Variants in IL17RC observed in about 807,000 individuals in gnomAD.
IL17RC encodes the protein interleukin 17 receptor C.
IL17RC carries 53 observed loss-of-function variants against 86.7 expected under a neutral mutation model. The ratio of observed to expected loss-of-function variants is 0.61; its 90% CI spans 0.49 to 0.77. The LOEUF is 0.77. Ranked by LOEUF, IL17RC falls within the 30% of genes least tolerant of loss-of-function variation. The pLI is 0.00. For synonymous variants in IL17RC, 439 were observed against 413.1 expected (o/e 1.06, Z -0.76); for missense variants, 957 against 940.0 (o/e 1.02, Z -0.24).
At position 9,933,485 on chromosome 3, in the gene IL17RC, C is replaced by A; in HGVS notation, c.2055C>A (p.Ser685=). The part of the protein sequence containing the change: ...GRLQERAEQV[S]RALQPALDSY... ...TCCAAGAGAGAGCGGAGCAAGTGTC[C>A]CGGGCCCTTCAGCCAGCCCTGGATA... The change falls in exon 19 of 19, where the codon TCC becomes TCA. Residue 685 remains serine, a synonymous_variant. Transcript: ENST00000403601. 1 of 1,612,154 alleles carries A rather than the reference C, an allele frequency of 6.2e-7. No homozygotes were observed. The highest frequency in any genetic ancestry group is 1.3e-5 in the African/African-American group (1 of 75,056).
chr3:9,917,846 G>A (rs764125814), intron 2 of IL17RC, 77 bp from the exon 3 acceptor site: 3 of 1,609,818 alleles, frequency 1.9e-6, no homozygotes, highest in Non-Finnish European at 2.5e-6. Context: ...AAGTTCTTTG[G>A]CTCTCTGGGT....
intron 16 of IL17RC, among the ~76,000 whole-genome samples, chr3:9,931,204 C>T (rs1249271082): frequency 6.6e-6 from 1 of 152,024 alleles, no homozygotes; most frequent in Non-Finnish European, 1.5e-5. Flanking sequence ...GTGGGAGCTA[C>T]TGAAGCACCA....
rs868727929 is a variant in IL17RC at position 9,918,124 on chromosome 3, G to C, written c.280+49G>C. On this transcript the variant is annotated intron_variant, in intron 3 of 18. Coordinates refer to ENST00000403601, the MANE Select transcript of IL17RC (RefSeq NM_153460.4). ...TGCATGTGTACACGTGAGTGTGTCT[G>C]GGGTGGGCATGAGGGCCAGGGGATC... 12 of 1,537,176 alleles carry C rather than the reference G, an allele frequency of 7.8e-6. No homozygotes were observed. In the African/African-American group the frequency reaches 9.6e-5, roughly 12 times the overall value.
intron 7 of IL17RC, among the ~76,000 whole-genome samples, chr3:9,921,179 G>T (rs906885200): frequency 6.6e-6 from 1 of 152,180 alleles, no homozygotes; most frequent in Admixed American, 6.6e-5. Flanking sequence ...CTTGGGTCAG[G>T]CTCAGTGGCT....
At position 9,924,147 on chromosome 3, in the gene IL17RC, C is replaced by A. The variant is rs576102522; in HGVS notation, c.763-85C>A. On this transcript the variant is annotated intron_variant, in intron 8 of 18. Coordinates refer to ENST00000403601, the MANE Select transcript of IL17RC (RefSeq NM_153460.4). ...AAGCAAGGGAAAATTGGTGGGGGAA[C>A]TTCTGCCTTCCTGGTTTCCTTGACT... 158 of 1,607,984 alleles carry A rather than the reference C, an allele frequency of 9.8e-5. No individual in the cohort carries two copies. In the African/African-American group the frequency reaches 1.8e-3, roughly 18 times the overall value.
chr3:9,918,451 C>T (rs2125127599), intron 4 of IL17RC, 42 bp downstream of exon 4: 2 of 1,608,230 alleles, frequency 1.2e-6, no homozygotes, highest in Middle Eastern at 1.7e-4. Flanking sequence ...ATGCCAAGGC[C>T]TGGCCTGCCG....
chr3:9,923,658 G>A (rs1400591127), intron 7 of IL17RC, among the ~76,000 whole-genome samples: 1 of 152,154 alleles, frequency 6.6e-6, no homozygotes, highest in Non-Finnish European at 1.5e-5. Flanking sequence ...TCTGCAGAGG[G>A]AGAAGCAGGG....
Position 9,933,289 on chromosome 3 carries a change from T to A in IL17RC, c.1859T>A (p.Phe620Tyr). Residue 620 changes from phenylalanine (F) to tyrosine (Y), a missense_variant, in exon 19 of 19, where the codon TTC becomes TAC. Coordinates refer to ENST00000403601, the MANE Select transcript of IL17RC (RefSeq NM_153460.4). ...RASLSCVLPD[F>Y]LQGRAPGSYV... Reference sequence around the variant, plus strand: ...TCGCTCAGCTGCGTGCTGCCCGACTTCTTGCAGGGCCGGGCGCCCGGCAGC... The same window carrying A: ...TCGCTCAGCTGCGTGCTGCCCGACTACTTGCAGGGCCGGGCGCCCGGCAGC... 6.2e-7 allele frequency: 1 copy of A among 1,605,030 alleles called. No individual in the cohort carries two copies. The highest frequency in any genetic ancestry group is 8.5e-7 in the Non-Finnish European group (1 of 1,175,956).
Position 9,930,427 on chromosome 3 carries a change from C to G in IL17RC, c.1306C>G (p.Leu436Val), listed in dbSNP as rs2125278152. 1 of 1,614,074 alleles carries G rather than the reference C, an allele frequency of 6.2e-7. No homozygotes were observed. Among genetic ancestry groups the G allele is most frequent in the South Asian group, 1.1e-5 (1 of 91,072 alleles). ...GGCAGCTCGCCTTGGAGAGTACTTA[C>G]TACAAGACCTGCAGTCAGGCCAGTG... ...TRAARLGEYL[L>V]QDLQSGQCLQ... The change falls in exon 15 of 19, where the codon CTA becomes GTA. Residue 436 changes from leucine (L) to valine (V), a missense_variant. Transcript: ENST00000403601. This position sits in a 1 kb window ranked among gnomAD's most constrained non-coding sequence, Gnocchi z 5.8.
intron 7 of IL17RC, among the ~76,000 whole-genome samples, chr3:9,921,473 A>AAACAC (rs1426267421): frequency 1.3e-5 from 2 of 151,712 alleles, no homozygotes; most frequent in African/African-American, 4.8e-5. Context: ...AAACAAAACA[A>AAACAC]AACAAAAACA....
At chr3:9,929,983 C>T (rs781153548) in intron 13 of IL17RC, 45 bp from the exon 14 acceptor site, 1 of 1,613,710 alleles carries the variant, frequency 6.2e-7, no homozygotes, top group Non-Finnish European at 8.5e-7. Context: ...TGGCCAATCC[C>T]AGCAAGGATG....
intron 9 of IL17RC, among the ~76,000 whole-genome samples, chr3:9,927,781 A>G (rs757205033): frequency 2.3e-4 from 35 of 151,992 alleles, no homozygotes; most frequent in Non-Finnish European, 5.0e-4. Flanking sequence ...TCTCTACTAA[A>G]AATACAAAAA....
Position 9,930,190 on chromosome 3 carries a change from G to A in IL17RC, c.1278+41G>A. 6.2e-7 allele frequency: 1 copy of A among 1,609,536 alleles called. No homozygotes were observed. The highest frequency in any genetic ancestry group is 8.5e-7 in the Non-Finnish European group (1 of 1,176,922). On this transcript the variant is annotated intron_variant, in intron 14 of 18. Transcript: ENST00000403601. The surrounding 1 kb of genome is among the most constrained non-coding windows in gnomAD (Gnocchi z 5.8). ...CCCTCCTCCACAGATCTCTCCAAATGCATCTCACATCTGGCCTCAAATTTT... is the reference window on the plus strand; with the variant it reads ...CCCTCCTCCACAGATCTCTCCAAATACATCTCACATCTGGCCTCAAATTTT...
Position 9,930,953 on chromosome 3 carries a change from G to A in IL17RC, c.1387+10G>A. On this transcript the variant is annotated intron_variant, in intron 16 of 18. Transcript: ENST00000403601. The surrounding 1 kb of genome is among the most constrained non-coding windows in gnomAD (Gnocchi z 5.8). ...TGCCCCATGGACAAATGTGAGTATT[G>A]TAAGAACTGCCTTTCCTTTCTGTAC... is the stretch of plus-strand genomic sequence containing the variant. The A allele has an allele frequency of 1.2e-6, 2 of 1,611,828 alleles. No individual in the cohort carries two copies. The highest frequency in any genetic ancestry group is 2.2e-5 in the South Asian group (2 of 91,022).
rs1559287996 is a variant in IL17RC at position 9,917,693 on chromosome 3, CTCCTT to C, written c.106-17_106-13del. 1 of 1,613,788 alleles carries C rather than the reference CTCCTT, an allele frequency of 6.2e-7. No individual in the cohort carries two copies. Among genetic ancestry groups the C allele is most frequent in the Non-Finnish European group, 8.5e-7 (1 of 1,179,996 alleles). On this transcript the variant is annotated splice_polypyrimidine_tract_variant and intron_variant, in intron 1 of 18. Transcript: ENST00000403601. ...GATGGTGGGGGCACAAATTCTGACT[CTCCTT>C]TCTTTCCTTCCCAGGGCCTCTCCTG...
rs2084849543 is a variant in IL17RC, at chr3:9,932,598, G to T, written c.1388-10G>T. ...GTAAGTTTCTAACTCTTCTTCTCTG[G>T]GTCTCCCAGACATCCACAAGCGCTG... is the stretch of plus-strand genomic sequence containing the variant. On this transcript the variant is annotated splice_polypyrimidine_tract_variant and intron_variant, in intron 16 of 18. Coordinates refer to ENST00000403601, the MANE Select transcript of IL17RC (RefSeq NM_153460.4). 1 of 1,612,316 alleles carries T rather than the reference G, an allele frequency of 6.2e-7. No homozygotes were observed. Among genetic ancestry groups the T allele is most frequent in the Non-Finnish European group, 8.5e-7 (1 of 1,178,380 alleles).
chr3:9,931,502 T>TATATATATATAC (rs1306971037), intron 16 of IL17RC, among the ~76,000 whole-genome samples: 5 of 145,130 alleles, frequency 3.4e-5, no homozygotes, highest in African/African-American at 7.8e-5. Flanking sequence ...TATATATATA[T>TATATATATATAC]ACTTATTTTT....
intron 16 of IL17RC, among the ~76,000 whole-genome samples, chr3:9,932,017 T>C (rs995891310): frequency 6.6e-6 from 1 of 152,116 alleles, no homozygotes; most frequent in East Asian, 1.9e-4. Flanking sequence ...GTGTTAAGTA[T>C]GTATTAACAC....
intron 9 of IL17RC, among the ~76,000 whole-genome samples, chr3:9,927,458 T>G (rs2084190471): frequency 6.6e-6 from 1 of 152,164 alleles, no homozygotes; most frequent in African/African-American, 2.4e-5. Context: ...CTTGGGAAGC[T>G]GAGGCAGGAG....
Sources: allele counts gnomAD v4.1 joint callset (sites outside exome capture counted in the v4.1 genomes callset), GRCh38; gene constraint gnomAD v4.1.1; non-coding constraint Gnocchi (gnomAD v3.1); transcripts MANE v1.5; gene names NCBI Gene and HGNC (gene_info 2026-07-23, HGNC 2026-07-21).